Variants in GRXCR2 observed in about 807,000 individuals in gnomAD.
GRXCR2 encodes glutaredoxin domain-containing cysteine-rich protein 2.
In GRXCR2, 23 loss-of-function variants were observed where a neutral mutation model predicts 24.8. That is an observed-to-expected ratio of 0.93 (90% confidence interval 0.67 to 1.32). The LOEUF is 1.32. Ranked by LOEUF, GRXCR2 falls within the 40% of genes most tolerant of loss-of-function variation. GRXCR2 has a pLI of 0.00. For synonymous variants in GRXCR2, 130 were observed against 116.1 expected (o/e 1.12, Z -0.77); for missense variants, 315 against 303.4 (o/e 1.04, Z -0.28).
At chr5:145,859,961 C>A in intron 2 of GRXCR2, 46 bp from the exon 3 acceptor site, 1 of 1,478,506 alleles carries the variant, frequency 6.8e-7, no homozygotes, top group Non-Finnish European at 9.1e-7. Context: ...AGTTCAAGTC[C>A]GTTGTTCACA....
chr5:145,858,200 G>A (rs1229819727), downstream of GRXCR2, among the ~76,000 whole-genome samples: 11 of 151,690 alleles, frequency 7.3e-5, no homozygotes, highest in East Asian at 1.9e-4. Flanking sequence ...TGTGATCCCA[G>A]CTACTCAGGA....
intron 2 of GRXCR2, among the ~76,000 whole-genome samples, chr5:145,866,173 A>G (rs921777021): frequency 3.3e-5 from 5 of 151,750 alleles, no homozygotes; most frequent in Non-Finnish European, 4.4e-5. Context: ...AAAAGAAAAT[A>G]TAGGGCTGAT....
chr5:145,904,782 G>A (rs1438186258), intron 2 of GRXCR2, among the ~76,000 whole-genome samples: 1 of 152,204 alleles, frequency 6.6e-6, no homozygotes, highest in Admixed American at 6.5e-5. Flanking sequence ...TGCAGCTGGA[G>A]TTTCAGCCAT....
At chr5:145,915,027 C>G (rs184498301) in intron 2 of GRXCR2, among the ~76,000 whole-genome samples, 207 of 152,326 alleles carry the variant, frequency 1.4e-3, no homozygotes, top group African/African-American at 4.8e-3. Context: ...CAGGCATCCT[C>G]AAGTGGAATT....
chr5:145,880,701 C>T (rs1756687881), intron 2 of GRXCR2, among the ~76,000 whole-genome samples: 1 of 152,148 alleles, frequency 6.6e-6, no homozygotes, highest in East Asian at 1.9e-4. Context: ...CATCCTGATA[C>T]CAAAGGCTGG....
chr5:145,909,046 C>T (rs1267361042), intron 2 of GRXCR2, among the ~76,000 whole-genome samples: 1 of 152,196 alleles, frequency 6.6e-6, no homozygotes, highest in Admixed American at 6.5e-5. Context: ...TGTACTCAAT[C>T]ACCTCATCCA....
chr5:145,871,424 G>A (rs2149911679), intron 1 of GRXCR2, among the ~76,000 whole-genome samples: 1 of 152,208 alleles, frequency 6.6e-6, no homozygotes, highest in Non-Finnish European at 1.5e-5. Flanking sequence ...GTATCAGATG[G>A]ATCCCTTAAC....
upstream of GRXCR2, among the ~76,000 whole-genome samples, chr5:145,876,799 A>C (rs1031496024): frequency 1.3e-5 from 2 of 152,218 alleles, no homozygotes; most frequent in African/African-American, 4.8e-5. Context: ...GTGTTTCCAG[A>C]ATAGTCACAA....
At chr5:145,917,230 T>TC (rs1401910766) in intron 2 of GRXCR2, among the ~76,000 whole-genome samples, 2 of 151,954 alleles carry the variant, frequency 1.3e-5, no homozygotes, top group Non-Finnish European at 2.9e-5. Context: ...TCTTCTTTCT[T>TC]CCCCAAAGTG....
chr5:145,918,565 C>T (rs1468102976), intron 2 of GRXCR2, among the ~76,000 whole-genome samples: 1 of 152,196 alleles, frequency 6.6e-6, no homozygotes, highest in Non-Finnish European at 1.5e-5. Flanking sequence ...GTCAAAGTGT[C>T]CAGGAAAAGC....
intron 2 of GRXCR2, among the ~76,000 whole-genome samples, chr5:145,897,115 C>A (rs1418083777): frequency 6.4e-5 from 8 of 125,322 alleles, no homozygotes; most frequent in Non-Finnish European, 1.1e-4. Flanking sequence ...AGGGGAACAT[C>A]ATACACTGGG....
chr5:145,910,475 A>G (rs1309232756), intron 2 of GRXCR2, among the ~76,000 whole-genome samples: 1 of 152,178 alleles, frequency 6.6e-6, no homozygotes, highest in Non-Finnish European at 1.5e-5. Flanking sequence ...TAATAGTAAT[A>G]TAATTATATA....
At chr5:145,900,010 C>T (rs551382101) in intron 2 of GRXCR2, among the ~76,000 whole-genome samples, 20 of 152,154 alleles carry the variant, frequency 1.3e-4, no homozygotes, top group Admixed American at 1.1e-3. Flanking sequence ...ACTCTGCATC[C>T]GACAAAGTTT....
intron 2 of GRXCR2, among the ~76,000 whole-genome samples, chr5:145,895,024 A>G (rs894458003): frequency 6.6e-6 from 1 of 152,190 alleles, no homozygotes; most frequent in African/African-American, 2.4e-5. Flanking sequence ...AACAGAACCA[A>G]CGACAAAAAC....
chr5:145,858,183 A>G (rs4913043), downstream of GRXCR2, among the ~76,000 whole-genome samples: 76,622 of 151,694 alleles, frequency 0.51, 20,454 homozygotes, highest in Admixed American at 0.61. Flanking sequence ...GAGTGGTGGC[A>G]TGTGCCTGTG....
rs368569020 is a variant in GRXCR2 at position 145,866,497 on chromosome 5, G to A, written c.564+4C>T. 1.8e-5 allele frequency: 29 copies of A among 1,607,926 alleles called. No individual in the cohort carries two copies. In the Admixed American group the frequency reaches 3.2e-4, roughly 18 times the overall value. ...GAGCAGGACAGTCAAGCTCCCCAAC[G>A]CACCTGTGTATACCGGTTTTGGGGT... is the stretch of plus-strand genomic sequence containing the variant. On this transcript the variant is annotated splice_donor_region_variant and intron_variant, in intron 2 of 2. Transcript: ENST00000377976.
intron 2 of GRXCR2, among the ~76,000 whole-genome samples, chr5:145,927,932 C>T (rs1386579939): frequency 6.6e-6 from 1 of 152,138 alleles, no homozygotes; most frequent in Non-Finnish European, 1.5e-5. Flanking sequence ...AGCTTCTGCA[C>T]AGCAAAAGAA....
intron 1 of GRXCR2, among the ~76,000 whole-genome samples, chr5:145,869,677 C>T (rs1199202755): frequency 6.6e-6 from 1 of 152,014 alleles, no homozygotes; most frequent in Non-Finnish European, 1.5e-5. Flanking sequence ...CCTGCCTCAG[C>T]CTCCCGAGTA....
chr5:145,898,939 G>T (rs1756989208), intron 2 of GRXCR2, among the ~76,000 whole-genome samples: 1 of 152,012 alleles, frequency 6.6e-6, no homozygotes, highest in African/African-American at 2.4e-5. Flanking sequence ...AGAGATAAAA[G>T]GCATCGAAAT....
Sources: allele counts gnomAD v4.1 joint callset (sites outside exome capture counted in the v4.1 genomes callset), GRCh38; gene constraint gnomAD v4.1.1; transcripts MANE v1.5; gene names NCBI Gene and HGNC (gene_info 2026-07-23, HGNC 2026-07-21).